The following CTNND2 variants were observed in gnomAD, a reference collection of about 807,000 sequenced individuals.
The protein encoded by CTNND2 is catenin delta-2.
Under a neutral mutation model 144.4 loss-of-function variants are expected in CTNND2, and 22 were observed. The ratio of observed to expected loss-of-function variants is 0.15; its 90% CI spans 0.11 to 0.22. CTNND2 has a LOEUF of 0.22. CTNND2 is among the 10% of genes least tolerant of loss of function. CTNND2 has a pLI of 1.00. For missense variants in CTNND2, 1,353 were observed against 1,618.8 expected (o/e 0.84, Z 2.82); for synonymous variants, 751 against 695.6 (o/e 1.08, Z -1.25).
rs1040804766 is a variant in CTNND2, at chr5:11,282,397, A to T, written c.1629-45574T>A. ...GACTTGATACCCTCTCTCTCCTAGC[A>T]TGCAGCATCAGCAACTGATTTCAAA... is the stretch of plus-strand genomic sequence containing the variant. On this transcript the variant is annotated intron_variant, in intron 9 of 21. Transcript: ENST00000304623. 2.6e-5 allele frequency among the ~76,000 whole-genome samples: 4 copies of T among 152,176 alleles called. 1 individual carries two copies. The highest frequency in any genetic ancestry group is 2.6e-4 in the Admixed American group (4 of 15,276).
chr5:11,047,604 G>T (rs1745400335), intron 16 of CTNND2, among the ~76,000 whole-genome samples: 1 of 152,172 alleles, frequency 6.6e-6, no homozygotes. Flanking sequence ...AACATAGAAA[G>T]ATCAGTGTAT....
At chr5:11,174,423 T>C (rs1294946732) in intron 11 of CTNND2, among the ~76,000 whole-genome samples, 1 of 152,158 alleles carries the variant, frequency 6.6e-6, no homozygotes, top group Non-Finnish European at 1.5e-5. Context: ...AAAAGCAGTG[T>C]AAAAAAATGT....
At chr5:11,290,163 T>C (rs1351485095) in intron 9 of CTNND2, among the ~76,000 whole-genome samples, 1 of 152,192 alleles carries the variant, frequency 6.6e-6, no homozygotes, top group Non-Finnish European at 1.5e-5. Context: ...AATAACGATG[T>C]GTAGCAATTT....
At chr5:11,397,892 A>C (rs1281823834) in intron 5 of CTNND2, among the ~76,000 whole-genome samples, 1 of 152,186 alleles carries the variant, frequency 6.6e-6, no homozygotes, top group Non-Finnish European at 1.5e-5. Context: ...GTCTTACTTA[A>C]TTATACGTTG....
rs140565022 is a variant in CTNND2 at position 10,982,913 on chromosome 5, G to A, written c.3344-1067C>T. 1.6e-3 allele frequency among the ~76,000 whole-genome samples: 249 copies of A among 152,278 alleles called. 2 individuals are homozygous for A. Among genetic ancestry groups the A allele is most frequent in the African/African-American group, 5.6e-3 (232 of 41,548 alleles). ...AGCCAGGCACAGAAAGACAAATATG[G>A]TATGTTCTCACGCACATGTGGAATA... On this transcript the variant is annotated intron_variant, in intron 20 of 21. Transcript: ENST00000304623.
At position 11,557,576 on chromosome 5, in the gene CTNND2, T is replaced by C. The variant is rs904480245; in HGVS notation, c.287+7368A>G. Reference sequence around the variant, plus strand: ...CAAAACTCTCTAGCTTCGAATTGAATTTTCTGAATTTTCCTTTGTCTCTGA... The same window carrying C: ...CAAAACTCTCTAGCTTCGAATTGAACTTTCTGAATTTTCCTTTGTCTCTGA... On this transcript the variant is annotated intron_variant, in intron 3 of 21. Coordinates refer to ENST00000304623, the MANE Select transcript of CTNND2 (RefSeq NM_001332.4). Among the ~76,000 whole-genome samples, 8 of 152,186 alleles carry C rather than the reference T, an allele frequency of 5.3e-5. 1 individual carries two copies. In the South Asian group the frequency reaches 1.5e-3, roughly 28 times the overall value.
At chr5:11,489,192 C>G (rs1439191669) in intron 3 of CTNND2, among the ~76,000 whole-genome samples, 2 of 152,138 alleles carry the variant, frequency 1.3e-5, no homozygotes, top group Non-Finnish European at 2.9e-5. Flanking sequence ...CTACTTGCTC[C>G]ACATTCTCTC....
intron 2 of CTNND2, among the ~76,000 whole-genome samples, chr5:11,583,878 G>A (rs1159062435): frequency 6.6e-6 from 1 of 152,028 alleles, no homozygotes; most frequent in Non-Finnish European, 1.5e-5. Flanking sequence ...CTAAAGTCAG[G>A]GCCAGGGCAG....
intron 2 of CTNND2, among the ~76,000 whole-genome samples, chr5:11,643,179 A>G (rs80334483): frequency 0.097 from 14,748 of 152,102 alleles, 1,440 homozygotes; most frequent in African/African-American, 0.24. Context: ...TTATGTGTGT[A>G]TGCTTGCACG....
chr5:11,018,549 A>T (rs1033354823), intron 17 of CTNND2, among the ~76,000 whole-genome samples: 2 of 152,206 alleles, frequency 1.3e-5, no homozygotes, highest in Non-Finnish European at 2.9e-5. Flanking sequence ...AAGTTCTTGA[A>T]GAAAATTAAA....
rs542723103 is a variant in CTNND2 at position 11,081,791 on chromosome 5, A to G, written c.2788+905T>C. 2.0e-5 allele frequency among the ~76,000 whole-genome samples: 3 copies of G among 152,358 alleles called. No homozygotes were observed. In the East Asian group the frequency reaches 5.8e-4, roughly 29 times the overall value. On this transcript the variant is annotated intron_variant, in intron 16 of 21. Transcript: ENST00000304623. Reference sequence around the variant, plus strand: ...AAATACCCAGAATAGGAAAATCCATAGACAGAGAGCAGATTGATGGTTGCC... The same window carrying G: ...AAATACCCAGAATAGGAAAATCCATGGACAGAGAGCAGATTGATGGTTGCC...
At chr5:11,804,800 A>C (rs1791903411) in intron 1 of CTNND2, among the ~76,000 whole-genome samples, 1 of 152,186 alleles carries the variant, frequency 6.6e-6, no homozygotes, top group South Asian at 2.1e-4. Context: ...AACCCATGGA[A>C]CTTTACAACA....
At chr5:11,218,421 T>A (rs1046584302) in intron 10 of CTNND2, among the ~76,000 whole-genome samples, 4 of 152,194 alleles carry the variant, frequency 2.6e-5, no homozygotes, top group Non-Finnish European at 5.9e-5. Context: ...GTATCTTTTA[T>A]CATTAGTAAG....
chr5:11,318,044 C>T (rs1044573312), intron 9 of CTNND2, among the ~76,000 whole-genome samples: 1 of 152,190 alleles, frequency 6.6e-6, no homozygotes, highest in Non-Finnish European at 1.5e-5. Context: ...GTGTGGCATG[C>T]TCAGAGGTGC....
intron 16 of CTNND2, among the ~76,000 whole-genome samples, chr5:11,023,794 A>G (rs1259542539): frequency 1.3e-5 from 2 of 152,226 alleles, no homozygotes; most frequent in African/African-American, 2.4e-5. Context: ...TTATAATGAC[A>G]TATTTATGGA....
At chr5:11,873,066 T>C (rs1196381727) in intron 1 of CTNND2, among the ~76,000 whole-genome samples, 1 of 152,152 alleles carries the variant, frequency 6.6e-6, no homozygotes, top group African/African-American at 2.4e-5. Context: ...ACAGGCAACC[T>C]ACAGAATGGG....
chr5:11,055,980 G>A (rs1453642291), intron 16 of CTNND2, among the ~76,000 whole-genome samples: 3 of 152,170 alleles, frequency 2.0e-5, no homozygotes, highest in Non-Finnish European at 2.9e-5. Flanking sequence ...CCATGGTCAC[G>A]GCACACATGG....
intron 1 of CTNND2, among the ~76,000 whole-genome samples, chr5:11,884,892 T>C (rs1582064991): frequency 6.6e-6 from 1 of 151,930 alleles, no homozygotes; most frequent in East Asian, 1.9e-4. Context: ...TTTATCAAAA[T>C]GTTTTTCTTC....
chr5:11,588,611 T>C (rs1335901244), intron 2 of CTNND2: 3 of 262,112 alleles, frequency 1.1e-5, no homozygotes, highest in Non-Finnish European at 1.8e-5. Context: ...ATTCTTACCA[T>C]ATTTTCTATA....
Sources: gnomAD v4.1 joint callset for allele counts (sites outside exome capture counted in the v4.1 genomes callset) on GRCh38, gnomAD v4.1.1 for gene constraint, MANE v1.5 for transcripts, NCBI Gene and HGNC (gene_info 2026-07-23, HGNC 2026-07-21) for gene names.